DAB1: variants seen among roughly 807,000 people sequenced by gnomAD.
DAB1 encodes disabled homolog 1.
Under a neutral mutation model 64.6 loss-of-function variants are expected in DAB1, and 15 were observed. That is an observed-to-expected ratio of 0.23 (90% CI 0.16 to 0.36). The LOEUF is 0.36. Among genes scored for constraint, DAB1 ranks in the 10% least tolerant of loss-of-function variants. The pLI, the probability that DAB1 is intolerant of heterozygous loss-of-function variation, is 1.00. For missense variants in DAB1, 596 were observed against 706.7 expected, an observed-to-expected ratio of 0.84 and a Z score of 1.78; for synonymous variants, 235 against 251.9, an observed-to-expected ratio of 0.93 and a Z score of 0.64.
At chr1:57,925,140 G>A (rs1366937500) in intron 5 of DAB1, among the ~76,000 whole-genome samples, 1 of 152,120 alleles carries the variant, frequency 6.6e-6, no homozygotes, top group African/African-American at 2.4e-5. Flanking sequence ...CAGTCATTCT[G>A]TCTCTTATCA....
intron 6 of DAB1, among the ~76,000 whole-genome samples, chr1:57,763,398 C>T (rs1258050281): frequency 2.0e-5 from 3 of 152,248 alleles, no homozygotes; most frequent in South Asian, 4.1e-4. Flanking sequence ...TCTGTCTAGG[C>T]TGGGCGTGGT....
At chr1:58,324,126 C>T (rs1662765716) in intron 4 of DAB1, among the ~76,000 whole-genome samples, 2 of 152,156 alleles carry the variant, frequency 1.3e-5, no homozygotes, top group African/African-American at 2.4e-5. Context: ...ATCACAGTAA[C>T]CATATTAGCC....
intron 1 of DAB1, among the ~76,000 whole-genome samples, chr1:57,857,595 C>T (rs542442600): frequency 5.9e-5 from 9 of 152,226 alleles, no homozygotes; most frequent in East Asian, 3.9e-4. Context: ...GAGCTATAGA[C>T]ATTAAGCAAT....
rs151238152 is a variant in DAB1 at position 57,493,356 on chromosome 1, T to G, written n.625+156236A>C. Reference sequence around the variant, plus strand: ...TTCTGTCTCTCTAAATTTAGCTATATTGGGCAACTTGTATGAGTAGGAATG... The same window carrying G: ...TTCTGTCTCTCTAAATTTAGCTATAGTGGGCAACTTGTATGAGTAGGAATG... On this transcript the variant is annotated intron_variant and non_coding_transcript_variant, in intron 7 of 20. Transcript: ENST00000485760. Among the ~76,000 whole-genome samples, 516 of 152,206 alleles carry G rather than the reference T, an allele frequency of 3.4e-3. 4 individuals are homozygous for G. The highest frequency in any genetic ancestry group is 0.012 in the African/African-American group (493 of 41,522).
chr1:57,171,218 G>A (rs978983858), intron 2 of DAB1, among the ~76,000 whole-genome samples: 1 of 152,118 alleles, frequency 6.6e-6, no homozygotes, highest in African/African-American at 2.4e-5. Context: ...ATCAAATAGG[G>A]CCAAATTCAA....
intron 2 of DAB1, among the ~76,000 whole-genome samples, chr1:57,237,387 A>T (rs926716801): frequency 6.6e-6 from 1 of 152,226 alleles, no homozygotes; most frequent in Non-Finnish European, 1.5e-5. Context: ...GGTAAGCCAG[A>T]TAGGAAAATA....
At chr1:58,403,125 A>G (rs886469619) in intron 3 of DAB1, among the ~76,000 whole-genome samples, 1 of 152,222 alleles carries the variant, frequency 6.6e-6, no homozygotes, top group Non-Finnish European at 1.5e-5. Flanking sequence ...TAAAACTTAT[A>G]GAACAAACTT....
chr1:58,320,324 A>G (rs1662652401), intron 4 of DAB1, among the ~76,000 whole-genome samples: 1 of 152,274 alleles, frequency 6.6e-6, no homozygotes, highest in Admixed American at 6.5e-5. Context: ...GTGACTGACT[A>G]CAGATAATAA....
chr1:57,933,865 C>T (rs1437896762), intron 5 of DAB1, among the ~76,000 whole-genome samples: 1 of 151,788 alleles, frequency 6.6e-6, no homozygotes, highest in Non-Finnish European at 1.5e-5. Context: ...GTTAACAGTC[C>T]ATATCCTTGA....
intron 5 of DAB1, among the ~76,000 whole-genome samples, chr1:57,972,176 C>A (rs868315381): frequency 2.0e-5 from 3 of 152,090 alleles, no homozygotes; most frequent in Admixed American, 1.3e-4. Context: ...AGGCACTAAC[C>A]ACATAAAACT....
chr1:58,486,690 T>C (rs1431888854), intron 3 of DAB1, among the ~76,000 whole-genome samples: 1 of 152,154 alleles, frequency 6.6e-6, no homozygotes, highest in African/African-American at 2.4e-5. Flanking sequence ...GTGAGGTGTG[T>C]TGGACGGACA....
intron 9 of DAB1, among the ~76,000 whole-genome samples, chr1:57,043,826 G>A (rs1253886534): frequency 6.6e-6 from 1 of 151,348 alleles, no homozygotes; most frequent in Non-Finnish European, 1.5e-5. Flanking sequence ...CAGCCTGGGT[G>A]ACAGAGTAAG....
chr1:57,425,357 GT>G (rs148622859), upstream of DAB1, among the ~76,000 whole-genome samples: 11 of 151,070 alleles, frequency 7.3e-5, no homozygotes, highest in South Asian at 2.1e-4. Flanking sequence ...GTTTTGGGGT[GT>G]TTTTTTTTCT....
At chr1:57,297,438 C>A (rs1467950107) in intron 1 of DAB1, among the ~76,000 whole-genome samples, 1 of 151,748 alleles carries the variant, frequency 6.6e-6, no homozygotes, top group Admixed American at 6.6e-5. Flanking sequence ...GAGTAAAGGG[C>A]CAAGATATGT....
chr1:57,738,809 G>A lies in DAB1; in HGVS notation n.552-89144C>T, dbSNP rs533008307. Among the ~76,000 whole-genome samples, 69 of 152,256 alleles carry A rather than the reference G, an allele frequency of 4.5e-4. No individual in the cohort carries two copies. In the South Asian group the frequency reaches 0.014, roughly 32 times the overall value. ...GCTTCCACTATATCAATAACGGGAG[G>A]CAATTATTGATTTTTCCAAAGCCAT... On this transcript the variant is annotated intron_variant and non_coding_transcript_variant, in intron 6 of 20. Coordinates refer to the DAB1 transcript ENST00000485760.
chr1:58,462,227 C>A (rs534083566), intron 3 of DAB1, among the ~76,000 whole-genome samples: 47 of 150,104 alleles, frequency 3.1e-4, no homozygotes, highest in Non-Finnish European at 5.6e-4. Flanking sequence ...CCCGGGTTCA[C>A]GCCATTCTCC....
chr1:58,425,458 G>A (rs187787089), intron 3 of DAB1, among the ~76,000 whole-genome samples: 7 of 152,326 alleles, frequency 4.6e-5, no homozygotes, highest in African/African-American at 9.6e-5. Flanking sequence ...GCATTCTGCC[G>A]TAGAGTTTTA....
intron 5 of DAB1, among the ~76,000 whole-genome samples, chr1:57,918,436 T>C (rs974357342): frequency 2.6e-5 from 4 of 152,028 alleles, no homozygotes; most frequent in Non-Finnish European, 4.4e-5. Context: ...AAGGAGAAAA[T>C]ACCCGAGGGG....
At chr1:57,065,744 C>T (rs1293600539) in intron 8 of DAB1, among the ~76,000 whole-genome samples, 1 of 152,152 alleles carries the variant, frequency 6.6e-6, no homozygotes, top group African/African-American at 2.4e-5. Context: ...CTGGTAGTTC[C>T]AAATCCTGGG....
Sources: gnomAD v4.1 joint callset for allele counts (sites outside exome capture counted in the v4.1 genomes callset) on GRCh38, gnomAD v4.1.1 for gene constraint, MANE v1.5 for transcripts, NCBI Gene and HGNC (gene_info 2026-07-23, HGNC 2026-07-21) for gene names.